Variants in SGCG observed in about 807,000 individuals in gnomAD.
SGCG encodes gamma-sarcoglycan.
A neutral mutation model predicts 29.3 loss-of-function variants in SGCG; 26 were observed. The observed-to-expected ratio is 0.89, with a 90% CI of 0.65 to 1.23. SGCG has a LOEUF of 1.23. Ranked by LOEUF, SGCG falls within the 50% of genes most tolerant of loss-of-function variation. The pLI is 0.00. For missense variants in SGCG, 353 were observed against 356.0 expected, an observed-to-expected ratio of 0.99 and a Z score of 0.07; for synonymous variants, 145 against 129.7, an observed-to-expected ratio of 1.12 and a Z score of -0.80.
chr13:23,161,445 T>G, the SGCG span, among the ~76,000 whole-genome samples: 1 of 152,356 alleles, frequency 6.6e-6, no homozygotes, highest in South Asian at 2.1e-4. Context: ...GTACTATTCA[T>G]GTACTAATAC....
At chr13:23,310,078 C>CTTTTTT (rs144258130) in intron 6 of SGCG, among the ~76,000 whole-genome samples, 1 of 60,780 alleles carries the variant, frequency 1.6e-5, no homozygotes, top group African/African-American at 6.8e-5. Flanking sequence ...TTGTTTTTCT[C>CTTTTTT]TTTTTTTTTT....
At chr13:23,175,816 C>T in the SGCG span, among the ~76,000 whole-genome samples, 9 of 151,890 alleles carry the variant, frequency 5.9e-5, no homozygotes, top group Non-Finnish European at 8.8e-5. Flanking sequence ...TAACAATTTA[C>T]AGGGAATATT....
At chr13:23,293,391 C>G (rs1420063360) in intron 5 of SGCG, among the ~76,000 whole-genome samples, 1 of 152,088 alleles carries the variant, frequency 6.6e-6, no homozygotes, top group African/African-American at 2.4e-5. Context: ...GTGCCACAAG[C>G]TATTATTTCT....
intron 6 of SGCG, among the ~76,000 whole-genome samples, chr13:23,308,752 C>T (rs543953488): frequency 8.5e-5 from 13 of 152,062 alleles, no homozygotes; most frequent in South Asian, 2.1e-4. Flanking sequence ...TTTGTAGAGA[C>T]GCGGTTTCAT....
chr13:23,209,626 T>C (rs1366157763), intron 2 of SGCG, among the ~76,000 whole-genome samples: 1 of 152,228 alleles, frequency 6.6e-6, no homozygotes, highest in East Asian at 1.9e-4. Context: ...ATCACCCTTG[T>C]AGTGGTATTT....
chr13:23,296,648 C>T (rs1373027120), intron 6 of SGCG, among the ~76,000 whole-genome samples: 2 of 152,160 alleles, frequency 1.3e-5, no homozygotes, highest in African/African-American at 2.4e-5. Flanking sequence ...TTTGACTAAT[C>T]TGGGTGCCTC....
intron 5 of SGCG, among the ~76,000 whole-genome samples, chr13:23,294,674 A>G (rs895514516): frequency 5.3e-5 from 8 of 152,224 alleles, no homozygotes; most frequent in African/African-American, 1.7e-4. Context: ...TAGCATATAG[A>G]TTAAACGTGT....
rs969376986 is a variant in SGCG at position 23,242,325 on chromosome 13, A to C, written c.297+7613A>C. 4.6e-5 allele frequency among the ~76,000 whole-genome samples: 7 copies of C among 152,266 alleles called. No individual in the cohort carries two copies. In the South Asian group the frequency reaches 6.2e-4, roughly 14 times the overall value. On this transcript the variant is annotated intron_variant, in intron 3 of 7. Coordinates refer to ENST00000218867, the MANE Select transcript of SGCG (RefSeq NM_000231.3). ...TACTTGCCCTCTAATCTACATTTTC[A>C]AAAAGTATCTTAAAACATCAATCTC...
chr13:23,201,574 A>C (rs1439685465), intron 1 of SGCG, among the ~76,000 whole-genome samples: 1 of 152,054 alleles, frequency 6.6e-6, no homozygotes, highest in Non-Finnish European at 1.5e-5. Context: ...AAAGGCAAGC[A>C]ACGTCTCCCC....
At chr13:23,239,525 G>GT (rs1291519579) in intron 3 of SGCG, among the ~76,000 whole-genome samples, 1 of 152,052 alleles carries the variant, frequency 6.6e-6, no homozygotes, top group East Asian at 1.9e-4. Context: ...AAATCTAGAT[G>GT]TTCACCAGAA....
chr13:23,266,220 C>T (rs917769805), intron 4 of SGCG, among the ~76,000 whole-genome samples: 2 of 150,624 alleles, frequency 1.3e-5, no homozygotes, highest in African/African-American at 2.4e-5. Flanking sequence ...TGCAGTGAGC[C>T]GAGATCACGC....
chr13:23,198,364 T>C (rs530104601), intron 1 of SGCG, among the ~76,000 whole-genome samples: 1 of 152,302 alleles, frequency 6.6e-6, no homozygotes, highest in Admixed American at 6.5e-5. Context: ...AATAATCACA[T>C]AATGTAGAAG....
chr13:23,162,448 C>T, the SGCG span, among the ~76,000 whole-genome samples: 3 of 152,092 alleles, frequency 2.0e-5, no homozygotes, highest in Admixed American at 2.0e-4. Flanking sequence ...GGTGAAACCC[C>T]GTGTCTACTA....
At chr13:23,203,325 G>T (rs570503728) in intron 1 of SGCG, among the ~76,000 whole-genome samples, 1 of 151,954 alleles carries the variant, frequency 6.6e-6, no homozygotes, top group Non-Finnish European at 1.5e-5. Flanking sequence ...TGTAGAACTC[G>T]GTAACTTGAT....
intron 2 of SGCG, among the ~76,000 whole-genome samples, chr13:23,218,877 A>G (rs1217774566): frequency 6.7e-6 from 1 of 149,736 alleles, no homozygotes; most frequent in Non-Finnish European, 1.5e-5. Context: ...TGAGAATTCT[A>G]TGGTGGGAAA....
chr13:23,314,702 A>T lies in SGCG; in HGVS notation c.579-5935A>T, dbSNP rs1008629685. On this transcript the variant is annotated intron_variant, in intron 6 of 7. Transcript: ENST00000218867. ...TGGTGAGATATTTGTGTGCCAGAGG[A>T]TGGGAAATACATCCAACTAAAATTC... 7.9e-5 allele frequency among the ~76,000 whole-genome samples: 12 copies of T among 152,142 alleles called. No homozygotes were observed. The South Asian group carries it at 1.7e-3, about 21-fold the overall frequency.
intron 7 of SGCG, among the ~76,000 whole-genome samples, chr13:23,321,124 AACAACCACT>A (rs1883026029): frequency 1.3e-5 from 2 of 152,162 alleles, no homozygotes; most frequent in Non-Finnish European, 2.9e-5. Flanking sequence ...GTCACCCACT[AACAACCACT>A]GTCACCTTTC....
At chr13:23,290,658 G>GA (rs1881670167) in intron 5 of SGCG, among the ~76,000 whole-genome samples, 2 of 152,222 alleles carry the variant, frequency 1.3e-5, no homozygotes, top group South Asian at 4.1e-4. Context: ...TTGGCTGAAC[G>GA]AGAGAAATGG....
chr13:23,185,533 C>T (rs17078416), intron 1 of SGCG, among the ~76,000 whole-genome samples: 4,749 of 152,194 alleles, frequency 0.031, 101 homozygotes, highest in African/African-American at 0.055. Flanking sequence ...GCAATTGCTT[C>T]GACAGGTTCC....
Sources: gnomAD v4.1 joint callset for allele counts (sites outside exome capture counted in the v4.1 genomes callset) on GRCh38, gnomAD v4.1.1 for gene constraint, MANE v1.5 for transcripts, NCBI Gene and HGNC (gene_info 2026-07-23, HGNC 2026-07-21) for gene names.